Variants in FAT4 observed in about 807,000 individuals in gnomAD.
FAT4 encodes FAT atypical cadherin 4.
Under a neutral mutation model 303.9 loss-of-function variants are expected in FAT4, and 84 were observed. The ratio of observed to expected loss-of-function variants is 0.28; its 90% CI spans 0.23 to 0.33. The LOEUF is 0.33. Among genes scored for constraint, FAT4 ranks in the 10% least tolerant of loss-of-function variants. FAT4 has a pLI of 1.00. For synonymous variants in FAT4, 2,307 were observed against 2,298.8 expected (o/e 1.00, Z -0.10); for missense variants, 6,005 against 6,146.8 (o/e 0.98, Z 0.77).
chr4:125,486,041 A>T (rs1423126372), intron 16 of FAT4, among the ~76,000 whole-genome samples: 1 of 152,126 alleles, frequency 6.6e-6, no homozygotes, highest in Non-Finnish European at 1.5e-5. Context: ...TATCCACCCC[A>T]ATTTGTGGTA....
At chr4:125,423,967 G>A (rs904153211) in intron 7 of FAT4, among the ~76,000 whole-genome samples, 15 of 152,178 alleles carry the variant, frequency 9.9e-5, no homozygotes, top group African/African-American at 3.1e-4. Context: ...TGCCTGTACC[G>A]TATTATATCT....
At chr4:125,339,855 C>T (rs1287573590) in intron 2 of FAT4, among the ~76,000 whole-genome samples, 2 of 151,758 alleles carry the variant, frequency 1.3e-5, no homozygotes, top group Admixed American at 6.6e-5. Context: ...ATAAAGATAT[C>T]GGTTTGGAAA....
intron 2 of FAT4, among the ~76,000 whole-genome samples, chr4:125,341,550 G>A (rs997015121): frequency 1.3e-5 from 2 of 151,830 alleles, no homozygotes; most frequent in Non-Finnish European, 2.9e-5. Flanking sequence ...TAACTTTTAG[G>A]ATTCATCATA....
intron 8 of FAT4, among the ~76,000 whole-genome samples, chr4:125,443,842 T>C (rs906059386): frequency 1.5e-4 from 23 of 152,278 alleles, no homozygotes; most frequent in African/African-American, 5.5e-4. Context: ...GTAAGAGATG[T>C]GGCAAAAATC....
At chr4:125,453,630 C>T (rs1447841306) in intron 10 of FAT4, among the ~76,000 whole-genome samples, 2 of 151,466 alleles carry the variant, frequency 1.3e-5, no homozygotes, top group African/African-American at 2.4e-5. Flanking sequence ...CACTTAAATT[C>T]GGGAGGCAGA....
At chr4:125,388,858 A>G (rs1459791824) in intron 2 of FAT4, among the ~76,000 whole-genome samples, 2 of 152,272 alleles carry the variant, frequency 1.3e-5, no homozygotes, top group Non-Finnish European at 2.9e-5. Context: ...CCACGCTTCT[A>G]GCCATTCTTG....
In FAT4 at chr4:125,449,036, T is replaced by C; in HGVS notation, c.8026T>C (p.Phe2676Leu). ...DNAPIFKEDPFISEILENLSP... is the reference protein window; with the variant it reads ...DNAPIFKEDPLISEILENLSP... ...TGCCCCAATTTTTAAGGAAGACCCATTTATATCTGAAATATTGGAAAACCT... is the reference window on the plus strand; with the variant it reads ...TGCCCCAATTTTTAAGGAAGACCCACTTATATCTGAAATATTGGAAAACCT... The change falls in exon 10 of 18, where the codon TTT becomes CTT. Residue 2676 changes from phenylalanine to leucine, a missense_variant. By Grantham distance (22) the Phe-to-Leu change is conservative. Transcript: ENST00000394329. The C allele has an allele frequency of 6.2e-7, 1 of 1,613,874 alleles. No individual in the cohort carries two copies. Among genetic ancestry groups the C allele is most frequent in the Non-Finnish European group, 8.5e-7 (1 of 1,179,868 alleles).
chr4:125,442,001 T>G (rs116445708), intron 8 of FAT4, among the ~76,000 whole-genome samples: 8 of 152,320 alleles, frequency 5.3e-5, no homozygotes, highest in Non-Finnish European at 8.8e-5. Context: ...TTCATGTACC[T>G]ATTGTCTTTG....
intron 16 of FAT4, among the ~76,000 whole-genome samples, chr4:125,484,451 C>T (rs1478015079): frequency 6.6e-6 from 1 of 151,832 alleles, no homozygotes; most frequent in African/African-American, 2.4e-5. Context: ...TAAATCAGTT[C>T]TTTTGTGTTT....
chr4:125,453,315 C>T (rs558711730), intron 10 of FAT4, among the ~76,000 whole-genome samples: 1 of 152,202 alleles, frequency 6.6e-6, no homozygotes, highest in South Asian at 2.1e-4. Context: ...TTATCATCAT[C>T]GTTTTTGTGA....
At chr4:125,474,431 A>G (rs1393973438) in intron 12 of FAT4, among the ~76,000 whole-genome samples, 2 of 151,264 alleles carry the variant, frequency 1.3e-5, no homozygotes, top group Admixed American at 1.3e-4. Flanking sequence ...AACTGAAAAT[A>G]ATCATAACTA....
rs1730936860 is a variant in FAT4 at position 125,321,377 on chromosome 4, C to T, written c.4966C>T (p.Pro1656Ser). 1 of 1,613,904 alleles carries T rather than the reference C, an allele frequency of 6.2e-7. No individual in the cohort carries two copies. Among genetic ancestry groups the T allele is most frequent in the Non-Finnish European group, 8.5e-7 (1 of 1,179,996 alleles). Reference sequence around the variant, plus strand: ...CGTGATATCAATAGAAGCAGCTAGCCCCAGAGGATCTGAGGCCCCAGTGGA... The same window carrying T: ...CGTGATATCAATAGAAGCAGCTAGCTCCAGAGGATCTGAGGCCCCAGTGGA... ...TNVISIEAAS[P>S]RGSEAPVEYY... The change falls in exon 2 of 18, where the codon CCC becomes TCC. Residue 1656 changes from proline (P) to serine (S), a missense_variant. Coordinates refer to ENST00000394329, the MANE Select transcript of FAT4 (RefSeq NM_001291303.3).
intron 2 of FAT4, among the ~76,000 whole-genome samples, chr4:125,357,448 C>T (rs1161999038): frequency 4.6e-5 from 7 of 151,888 alleles, no homozygotes; most frequent in South Asian, 2.1e-4. Flanking sequence ...ATAGATTATT[C>T]GGGTACTTTA....
chr4:125,414,992 G>A lies in FAT4; in HGVS notation c.6029G>A (p.Ser2010Asn), dbSNP rs1371973874. 2 of 1,613,896 alleles carry A rather than the reference G, an allele frequency of 1.2e-6. No homozygotes were observed. Among genetic ancestry groups the A allele is most frequent in the African/African-American group, 1.3e-5 (1 of 74,886 alleles). Residue 2010 changes from serine (S) to asparagine (N), a missense_variant, in exon 6 of 18, where the codon AGT becomes AAT. Ser to Asn is a conservative substitution (Grantham distance 46, BLOSUM62 1). Coordinates refer to ENST00000394329, the MANE Select transcript of FAT4 (RefSeq NM_001291303.3). Reference protein sequence around the residue: ...LKVLKALDRESQSFYNLVVQV... With the variant: ...LKVLKALDRENQSFYNLVVQV... ...GTCCTAAAAGCTTTGGATCGGGAAA[G>A]TCAGTCCTTCTACAACTTGGTTGTT...
intron 8 of FAT4, among the ~76,000 whole-genome samples, chr4:125,443,382 T>A (rs7668690): frequency 6.6e-6 from 1 of 152,178 alleles, no homozygotes; most frequent in Non-Finnish European, 1.5e-5. Flanking sequence ...CCTTCGCAAT[T>A]GGTACATTTT....
At chr4:125,379,528 C>G (rs865983162) in intron 2 of FAT4, among the ~76,000 whole-genome samples, 1 of 151,828 alleles carries the variant, frequency 6.6e-6, no homozygotes, top group East Asian at 1.9e-4. Flanking sequence ...TGTGCAATCT[C>G]GGCTCACTGT....
At chr4:125,323,254 T>C (rs1397116517) in intron 2 of FAT4, among the ~76,000 whole-genome samples, 1 of 152,184 alleles carries the variant, frequency 6.6e-6, no homozygotes, top group Non-Finnish European at 1.5e-5. Flanking sequence ...GAATAAATGC[T>C]CAGTTTTATC....
chr4:125,451,096 T>C lies in FAT4; in HGVS notation c.10086T>C (p.Ile3362=), dbSNP rs2126060364. 3 of 1,614,114 alleles carry C rather than the reference T, an allele frequency of 1.9e-6. 1 individual carries two copies. The Admixed American group carries it at 5.0e-5, about 27-fold the overall frequency. Residue 3362 remains isoleucine, a synonymous_variant, in exon 10 of 18, where the codon ATT becomes ATC. Coordinates refer to ENST00000394329, the MANE Select transcript of FAT4 (RefSeq NM_001291303.3). The part of the protein sequence containing the change: ...KKTGQIYVSG[I]LDREKEERVS... ...CTGGACAGATTTATGTTTCTGGAAT[T>C]CTTGATCGAGAAAAAGAAGAAAGGG... is the stretch of plus-strand genomic sequence containing the variant.
rs1485569217 is a variant in FAT4 at position 125,490,521 on chromosome 4, G to A, written c.13705G>A (p.Asp4569Asn). 6.2e-7 allele frequency: 1 copy of A among 1,614,026 alleles called. No individual in the cohort carries two copies. Among genetic ancestry groups the A allele is most frequent in the Non-Finnish European group, 8.5e-7 (1 of 1,180,046 alleles). Residue 4569 changes from aspartate to asparagine, a missense_variant, in exon 18 of 18, where the codon GAT becomes AAT. Coordinates refer to ENST00000394329, the MANE Select transcript of FAT4 (RefSeq NM_001291303.3). ...DDPDNIPPYGDDMTVRKQPEG... is the reference protein window; with the variant it reads ...DDPDNIPPYGNDMTVRKQPEG... ...CCCTGACAATATCCCTCCCTATGGG[G>A]ATGACATGACTGTGAGGAAGCAGCC...
Sources: allele counts gnomAD v4.1 joint callset (sites outside exome capture counted in the v4.1 genomes callset), GRCh38; gene constraint gnomAD v4.1.1; transcripts MANE v1.5; gene names NCBI Gene and HGNC (gene_info 2026-07-23, HGNC 2026-07-21).